TNS1: variants seen among roughly 807,000 people sequenced by gnomAD.
TNS1 encodes tensin-1.
A neutral mutation model predicts 168.6 loss-of-function variants in TNS1; 62 were observed. The ratio of observed to expected loss-of-function variants is 0.37; its 90% confidence interval spans 0.30 to 0.45. TNS1 has a LOEUF of 0.45. TNS1 is among the 20% of genes least tolerant of loss of function. The probability of loss-of-function intolerance (pLI) is 1.00; values close to 1 mark genes in which losing one functional copy is unlikely to be tolerated. For synonymous variants in TNS1, 934 were observed against 933.2 expected, an observed-to-expected ratio of 1.00 and a Z score of -0.02; for missense variants, 2,240 against 2,339.4, an observed-to-expected ratio of 0.96 and a Z score of 0.88.
chr2:217,941,893 ACTCCTGCT>A (rs1956929132), intron 3 of TNS1, among the ~76,000 whole-genome samples: 1 of 151,538 alleles, frequency 6.6e-6, no homozygotes, highest in Admixed American at 6.6e-5. Context: ...GCCCCCCTTG[ACTCCTGCT>A]CCTATCTGGG....
intron 4 of TNS1, 123 bp downstream of exon 4, chr2:217,920,072 C>G: frequency 1.5e-6 from 1 of 687,584 alleles, no homozygotes. Context: ...GTCGACCCTC[C>G]TCCTCCACCT....
chr2:217,835,885 G>A, intron 20 of TNS1, 130 bp downstream of exon 20: 1 of 745,038 alleles, frequency 1.3e-6, no homozygotes, highest in Non-Finnish European at 2.2e-6. Context: ...AGAGAGTTTG[G>A]GTGAGGACGT....
chr2:217,913,306 T>C (rs1451855714), intron 4 of TNS1, among the ~76,000 whole-genome samples: 1 of 152,224 alleles, frequency 6.6e-6, no homozygotes, highest in Non-Finnish European at 1.5e-5. Flanking sequence ...AGACCACACC[T>C]GTCCTCAGCC....
At chr2:217,989,516 G>A (rs1958296079) in intron 2 of TNS1, among the ~76,000 whole-genome samples, 1 of 152,112 alleles carries the variant, frequency 6.6e-6, no homozygotes, top group African/African-American at 2.4e-5. Flanking sequence ...GGGGCAACGG[G>A]GTGAGTGAAG....
intron 17 of TNS1, 37 bp downstream of exon 17, chr2:217,882,309 G>C: frequency 7.1e-7 from 1 of 1,414,560 alleles, no homozygotes; most frequent in Admixed American, 1.8e-5. Context: ...AGGATAAAAG[G>C]AAGGAGTGAG....
At chr2:217,850,488 A>T (rs1947313926) in intron 18 of TNS1, 2 of 985,046 alleles carry the variant, frequency 2.0e-6, no homozygotes, top group Non-Finnish European at 2.4e-6. Flanking sequence ...CTCGGGGCCA[A>T]AGGGCTGACT....
chr2:217,853,643 G>C (rs1001429079), intron 18 of TNS1, among the ~76,000 whole-genome samples: 12 of 152,180 alleles, frequency 7.9e-5, no homozygotes, highest in Non-Finnish European at 1.5e-4. Flanking sequence ...TGGCCCCACT[G>C]TCTTTGTCTG....
rs1028571562 is a variant in TNS1, at chr2:217,922,225, C to A, written c.187-1989G>T. On this transcript the variant is annotated intron_variant, in intron 3 of 32. Transcript: ENST00000682258. ...CCTGCAGGGCTCTCTGCTTACCCTG[C>A]CCACGAGACCAGGTCTCAGCTACGG... Among the ~76,000 whole-genome samples, 17 of 152,182 alleles carry A rather than the reference C, an allele frequency of 1.1e-4. 1 individual carries two copies. The highest frequency in any genetic ancestry group is 9.2e-4 in the Admixed American group (14 of 15,278).
intron 22 of TNS1, among the ~76,000 whole-genome samples, chr2:217,823,719 G>A (rs1343981503): frequency 6.6e-6 from 1 of 152,214 alleles, no homozygotes; most frequent in East Asian, 1.9e-4. Flanking sequence ...CCACCCAACA[G>A]CAAGACAGTG....
At chr2:217,866,213 CCAAAGAGCCAGAA>C (rs1226238027) in intron 18 of TNS1, among the ~76,000 whole-genome samples, 2 of 152,182 alleles carry the variant, frequency 1.3e-5, no homozygotes, top group African/African-American at 4.8e-5. Context: ...AGACTAGGAG[CCAAAGAGCCAGAA>C]TTCTAAGGGG....
chr2:217,987,273 C>A (rs1364364829), intron 2 of TNS1, among the ~76,000 whole-genome samples: 4 of 152,178 alleles, frequency 2.6e-5, no homozygotes, highest in African/African-American at 9.7e-5. Context: ...CTCCTCACAG[C>A]AGCCCCCCAG....
intron 22 of TNS1, among the ~76,000 whole-genome samples, chr2:217,824,928 C>T (rs149706869): frequency 1.3e-5 from 2 of 152,184 alleles, no homozygotes; most frequent in African/African-American, 2.4e-5. Context: ...AGCCCTCACA[C>T]AGCACCTGGC....
chr2:217,909,124 C>G (rs77847632), intron 4 of TNS1, among the ~76,000 whole-genome samples: 4,298 of 141,728 alleles, frequency 0.03, 78 homozygotes, highest in Middle Eastern at 0.098. Context: ...AGCAGTGTCG[C>G]CCACCCCAGG....
Position 217,836,224 on chromosome 2 carries a change from C to A in TNS1, c.3008-13G>T, listed in dbSNP as rs1274893059. 5 of 1,604,252 alleles carry A rather than the reference C, an allele frequency of 3.1e-6. No individual in the cohort carries two copies. Among genetic ancestry groups the A allele is most frequent in the Non-Finnish European group, 4.3e-6 (5 of 1,173,932 alleles). Reference sequence around the variant, plus strand: ...CGAGCCTGTACCCCTGGGAGGAAAGCAGGGTGTAGAGGACAATGAGCATTT... The same window carrying A: ...CGAGCCTGTACCCCTGGGAGGAAAGAAGGGTGTAGAGGACAATGAGCATTT... On this transcript the variant is annotated splice_polypyrimidine_tract_variant and intron_variant, in intron 19 of 32. Coordinates refer to ENST00000682258, the MANE Select transcript of TNS1 (RefSeq NM_001387777.1).
At position 217,995,878 on chromosome 2, in the gene TNS1, C is replaced by G. The variant is rs1204884574; in HGVS notation, c.34-4822G>C. Among the ~76,000 whole-genome samples, 1 of 152,340 alleles carries G rather than the reference C, an allele frequency of 6.6e-6. No individual in the cohort carries two copies. The highest frequency in any genetic ancestry group is 2.1e-4 in the South Asian group (1 of 4,830). Reference sequence around the variant, plus strand: ...CCAAGCCCAGAGCTCTAGCCCCCACCCTGCCACCAGCCCACCCAGCATCAG... The same window carrying G: ...CCAAGCCCAGAGCTCTAGCCCCCACGCTGCCACCAGCCCACCCAGCATCAG... On this transcript the variant is annotated intron_variant, in intron 1 of 32. Transcript: ENST00000682258. This position sits in a 1 kb window ranked among gnomAD's most constrained non-coding sequence, Gnocchi z 4.1.
At chr2:217,868,245 C>A (rs1031444041) in intron 18 of TNS1, among the ~76,000 whole-genome samples, 13 of 152,238 alleles carry the variant, frequency 8.5e-5, no homozygotes, top group Non-Finnish European at 1.6e-4. Flanking sequence ...GTCATTCCCA[C>A]CCTCTTGCAT....
upstream of TNS1, among the ~76,000 whole-genome samples, chr2:218,004,889 G>A (rs1958644902): frequency 6.6e-6 from 1 of 152,264 alleles, no homozygotes; most frequent in African/African-American, 2.4e-5. Flanking sequence ...AAATGAACCA[G>A]TGTTCCACAT....
At chr2:217,903,570 C>G (rs1387998588) in intron 6 of TNS1, 5 of 1,533,500 alleles carry the variant, frequency 3.3e-6, no homozygotes, top group Non-Finnish European at 4.4e-6. Context: ...ATCCAACTCT[C>G]TAAACACCAA....
intron 9 of TNS1, among the ~76,000 whole-genome samples, chr2:217,894,369 C>T (rs1221366650): frequency 2.0e-5 from 3 of 152,158 alleles, no homozygotes; most frequent in Admixed American, 1.3e-4. Context: ...TAAAAAGCAG[C>T]AACAGGTCCA....
Sources: allele counts gnomAD v4.1 joint callset (sites outside exome capture counted in the v4.1 genomes callset), GRCh38; gene constraint gnomAD v4.1.1; non-coding constraint Gnocchi (gnomAD v3.1); transcripts MANE v1.5; gene names NCBI Gene and HGNC (gene_info 2026-07-23, HGNC 2026-07-21).